The following NNT variants were observed in gnomAD, a reference collection of about 807,000 sequenced individuals.
NNT encodes the protein nicotinamide nucleotide transhydrogenase.
In NNT, 50 loss-of-function variants were observed where a neutral mutation model predicts 104.8. The ratio of observed to expected loss-of-function variants is 0.48; its 90% confidence interval spans 0.38 to 0.60. The LOEUF is 0.60. Among genes scored for constraint, NNT ranks in the 20% least tolerant of loss-of-function variants. The pLI, the probability that NNT is intolerant of heterozygous loss-of-function variation, is 0.00. For missense variants in NNT, 1,131 were observed against 1,330.7 expected, an observed-to-expected ratio of 0.85 and a Z score of 2.33; for synonymous variants, 461 against 490.4, an observed-to-expected ratio of 0.94 and a Z score of 0.79.
intron 7 of NNT, among the ~76,000 whole-genome samples, chr5:43,633,405 G>C (rs1750782014): frequency 6.6e-6 from 1 of 152,094 alleles, no homozygotes; most frequent in Non-Finnish European, 1.5e-5. Flanking sequence ...ATACTTTTTT[G>C]CCTTTGCACA....
chr5:43,626,685 A>G (rs1404798001), intron 6 of NNT, among the ~76,000 whole-genome samples: 3 of 151,742 alleles, frequency 2.0e-5, no homozygotes, highest in African/African-American at 7.3e-5. Flanking sequence ...TTATTATTCT[A>G]TCAGCCAGAT....
At chr5:43,622,931 T>C (rs970155603) in intron 5 of NNT, among the ~76,000 whole-genome samples, 2 of 152,152 alleles carry the variant, frequency 1.3e-5, no homozygotes, top group South Asian at 2.1e-4. Flanking sequence ...CTTTTACTTA[T>C]TTTTATTTAC....
At chr5:43,693,954 T>C (rs1426130870) in intron 19 of NNT, among the ~76,000 whole-genome samples, 1 of 152,232 alleles carries the variant, frequency 6.6e-6, no homozygotes, top group Non-Finnish European at 1.5e-5. Flanking sequence ...AGTTTGTTTC[T>C]ACTTGCTATC....
At chr5:43,664,327 G>A (rs1295117773) in intron 17 of NNT, among the ~76,000 whole-genome samples, 2 of 152,134 alleles carry the variant, frequency 1.3e-5, no homozygotes, top group South Asian at 2.1e-4. Flanking sequence ...TTTTCAGATC[G>A]AATTTTCTGA....
chr5:43,641,113 T>G (rs892791016), intron 7 of NNT, among the ~76,000 whole-genome samples: 2 of 152,128 alleles, frequency 1.3e-5, no homozygotes, highest in Non-Finnish European at 2.9e-5. Flanking sequence ...ATATTACTTT[T>G]GTTCTTCATT....
Position 43,604,907 on chromosome 5 carries a change from A to G in NNT, c.-54+1613A>G, listed in dbSNP as rs576340028. 2.6e-5 allele frequency among the ~76,000 whole-genome samples: 4 copies of G among 152,074 alleles called. No homozygotes were observed. The East Asian group carries it at 7.7e-4, about 29-fold the overall frequency. The stretch of plus-strand genomic sequence containing the variant: ...AGGCTAGTCTTGAATTCTTGGCCTC[A>G]AGCAGTCCTCCCCACTAGCCTCCCA... On this transcript the variant is annotated intron_variant, in intron 1 of 21. Transcript: ENST00000344920.
At chr5:43,639,849 A>G (rs538067837) in intron 7 of NNT, among the ~76,000 whole-genome samples, 3 of 152,056 alleles carry the variant, frequency 2.0e-5, no homozygotes, top group Non-Finnish European at 4.4e-5. Flanking sequence ...CTTCACCCAC[A>G]GTTGGTATTG....
At chr5:43,643,150 T>C (rs1475348132) in intron 7 of NNT, among the ~76,000 whole-genome samples, 1 of 152,174 alleles carries the variant, frequency 6.6e-6, no homozygotes, top group Non-Finnish European at 1.5e-5. Context: ...ACTCCTGGGC[T>C]CAAGTGATCC....
At chr5:43,671,509 T>G (rs145438652) in intron 17 of NNT, among the ~76,000 whole-genome samples, 5,126 of 152,320 alleles carry the variant, frequency 0.034, 133 homozygotes, top group East Asian at 0.12. Context: ...CATTTGCTTT[T>G]CTGTAAAGGA....
intron 17 of NNT, among the ~76,000 whole-genome samples, chr5:43,660,711 A>G (rs929729249): frequency 6.6e-6 from 1 of 152,204 alleles, no homozygotes; most frequent in Non-Finnish European, 1.5e-5. Context: ...ACATCTTACC[A>G]TAGCGGAGAA....
chr5:43,702,291 A>G (rs1365881191), intron 20 of NNT, among the ~76,000 whole-genome samples: 1 of 152,188 alleles, frequency 6.6e-6, no homozygotes, highest in Non-Finnish European at 1.5e-5. Context: ...ATTTCATAAA[A>G]TCATGTGACC....
chr5:43,701,224 C>T (rs891106524), intron 20 of NNT, among the ~76,000 whole-genome samples: 1 of 152,100 alleles, frequency 6.6e-6, no homozygotes, highest in Non-Finnish European at 1.5e-5. Context: ...TCAACCCTTG[C>T]CCATATCCCT....
intron 17 of NNT, among the ~76,000 whole-genome samples, chr5:43,665,533 GAAAGCACC>G (rs1269324705): frequency 6.6e-6 from 1 of 152,182 alleles, no homozygotes; most frequent in Non-Finnish European, 1.5e-5. Flanking sequence ...ACATGTTTCA[GAAAGCACC>G]GGGTTGGGGG....
intron 7 of NNT, among the ~76,000 whole-genome samples, chr5:43,631,884 A>C (rs1357403523): frequency 1.3e-5 from 2 of 151,876 alleles, no homozygotes; most frequent in African/African-American, 4.8e-5. Context: ...GTGAACATTA[A>C]ATTTACAGAA....
At chr5:43,618,815 G>A (rs1289391358) in intron 4 of NNT, among the ~76,000 whole-genome samples, 5 of 152,152 alleles carry the variant, frequency 3.3e-5, no homozygotes, top group Non-Finnish European at 7.3e-5. Context: ...CCTATGGGAT[G>A]AAGACAGTAA....
chr5:43,682,252 C>T (rs1375964578), intron 19 of NNT, among the ~76,000 whole-genome samples: 1 of 143,212 alleles, frequency 7.0e-6, no homozygotes, highest in African/African-American at 2.6e-5. Context: ...GCTCTGTCAC[C>T]TAGCTTGGAG....
intron 19 of NNT, among the ~76,000 whole-genome samples, chr5:43,685,064 G>A (rs868089278): frequency 6.6e-6 from 1 of 152,246 alleles, no homozygotes; most frequent in South Asian, 2.1e-4. Flanking sequence ...AACATTTTTG[G>A]TATAATTTCT....
chr5:43,664,565 T>C (rs545964827), intron 17 of NNT, among the ~76,000 whole-genome samples: 109 of 152,194 alleles, frequency 7.2e-4, no homozygotes, highest in Non-Finnish European at 1.0e-3. Context: ...TTCAGAATTA[T>C]GTGAATTAGG....
intron 7 of NNT, among the ~76,000 whole-genome samples, chr5:43,639,673 A>G (rs1488822092): frequency 2.0e-5 from 3 of 152,164 alleles, no homozygotes; most frequent in Admixed American, 1.3e-4. Flanking sequence ...ATGAATGAAT[A>G]TTTGAATGAT....
Sources: allele counts gnomAD v4.1 joint callset (sites outside exome capture counted in the v4.1 genomes callset), GRCh38; gene constraint gnomAD v4.1.1; transcripts MANE v1.5; gene names NCBI Gene and HGNC (gene_info 2026-07-23, HGNC 2026-07-21).